The following SFMBT2 variants were observed in gnomAD, a reference collection of about 807,000 sequenced individuals.
SFMBT2 encodes scm-like with four MBT domains protein 2.
Under a neutral mutation model 110.1 loss-of-function variants are expected in SFMBT2, and 38 were observed. That is an observed-to-expected ratio of 0.35 (90% CI 0.27 to 0.45). The LOEUF (loss-of-function observed/expected upper bound fraction) is 0.45, where lower values mean the gene tolerates loss of function less well. Ranked by LOEUF, SFMBT2 falls within the 20% of genes least tolerant of loss-of-function variation. SFMBT2 has a pLI of 1.00. For missense variants in SFMBT2, 1,011 were observed against 1,094.9 expected (o/e 0.92, Z 1.08); for synonymous variants, 425 against 425.4 (o/e 1.00, Z 0.01).
intron 6 of SFMBT2, among the ~76,000 whole-genome samples, chr10:7,281,054 A>C (rs961298615): frequency 2.6e-4 from 39 of 152,170 alleles, no homozygotes; most frequent in Non-Finnish European, 5.1e-4. Flanking sequence ...CAGCCTGAGC[A>C]ACATAGTGAG....
chr10:7,285,877 G>T lies in SFMBT2; in HGVS notation c.514C>A (p.Leu172Ile). ...ACAACAATACATACACCTTCCAGGA[G>T]GTTGGCGGGTGCTGTCCTCGAACCA... Reference protein sequence around the residue: ...LTGSRTAPANLLEGPLRGKGP... With the variant: ...LTGSRTAPANILEGPLRGKGP... The change falls in exon 5 of 21, where the codon CTC (leucine) becomes ATC (isoleucine). Residue 172 changes from leucine to isoleucine, a missense_variant. By Grantham distance (5) the Leu-to-Ile change is conservative. Around this residue, in one of 2 missense-constraint regions of SFMBT2, gnomAD observed 979 missense variants for 1,016.1 expected, o/e 0.96. Coordinates refer to ENST00000397167, the MANE Select transcript of SFMBT2 (RefSeq NM_001387889.1). 1 of 872,674 alleles carries T rather than the reference G, an allele frequency of 1.1e-6. No individual in the cohort carries two copies. Among genetic ancestry groups the T allele is most frequent in the Non-Finnish European group, 2.0e-6 (1 of 501,610 alleles). 54.1% of individuals were successfully genotyped at this position (872,674 alleles called of 1,614,324 possible).
At chr10:7,233,720 T>C (rs1007227209) in intron 9 of SFMBT2, among the ~76,000 whole-genome samples, 1 of 152,200 alleles carries the variant, frequency 6.6e-6, no homozygotes, top group African/African-American at 2.4e-5. Flanking sequence ...GCCTTACTCT[T>C]CCAATTGACA....
chr10:7,329,346 A>G (rs1224190051), intron 4 of SFMBT2, among the ~76,000 whole-genome samples: 1 of 152,200 alleles, frequency 6.6e-6, no homozygotes, highest in Non-Finnish European at 1.5e-5. Context: ...TCCTGCACGG[A>G]GGTTCTCACG....
At chr10:7,398,657 G>A (rs1379804730) in intron 1 of SFMBT2, among the ~76,000 whole-genome samples, 1 of 152,090 alleles carries the variant, frequency 6.6e-6, no homozygotes, top group African/African-American at 2.4e-5. Flanking sequence ...TTTAGAATTA[G>A]CAGAGATGTA....
intron 10 of SFMBT2, among the ~76,000 whole-genome samples, chr10:7,220,901 A>G (rs981422140): frequency 6.7e-6 from 1 of 148,972 alleles, no homozygotes; most frequent in African/African-American, 2.5e-5. Flanking sequence ...ATCTCGGCTC[A>G]CTGCCAGTTC....
intron 15 of SFMBT2, among the ~76,000 whole-genome samples, chr10:7,191,573 G>C (rs1323322319): frequency 1.3e-5 from 2 of 152,198 alleles, no homozygotes; most frequent in African/African-American, 4.8e-5. Context: ...TATCAGAAAG[G>C]TCTCTGCGAG....
intron 4 of SFMBT2, among the ~76,000 whole-genome samples, chr10:7,321,009 T>C (rs575740427): frequency 2.0e-5 from 3 of 152,346 alleles, no homozygotes; most frequent in African/African-American, 7.2e-5. Context: ...TTGAGTTCCC[T>C]CAGGACCCAG....
intron 16 of SFMBT2, among the ~76,000 whole-genome samples, chr10:7,184,447 G>A (rs1350658246): frequency 1.3e-5 from 2 of 152,086 alleles, no homozygotes; most frequent in Non-Finnish European, 2.9e-5. Flanking sequence ...TGATTATGAG[G>A]CCTCCCCAGC....
At chr10:7,185,546 G>A (rs572996791) in intron 16 of SFMBT2, among the ~76,000 whole-genome samples, 26 of 152,302 alleles carry the variant, frequency 1.7e-4, no homozygotes, top group African/African-American at 5.8e-4. Context: ...TGAGCATGAC[G>A]CACCTAACAG....
At chr10:7,290,769 C>T (rs1038002450) in intron 4 of SFMBT2, among the ~76,000 whole-genome samples, 2 of 151,828 alleles carry the variant, frequency 1.3e-5, no homozygotes, top group Non-Finnish European at 2.9e-5. Flanking sequence ...CCCAGGAGTT[C>T]GAAGCTGCAG....
chr10:7,250,457 AT>A (rs1840768952), intron 7 of SFMBT2, among the ~76,000 whole-genome samples: 1 of 152,194 alleles, frequency 6.6e-6, no homozygotes, highest in African/African-American at 2.4e-5. Context: ...CATGGTATAT[AT>A]GTACCACATT....
At chr10:7,364,660 TA>T (rs1466259821) in intron 4 of SFMBT2, among the ~76,000 whole-genome samples, 1 of 152,206 alleles carries the variant, frequency 6.6e-6, no homozygotes, top group Non-Finnish European at 1.5e-5. Flanking sequence ...ATTCAAGTGT[TA>T]AACTTGAAGA....
intron 15 of SFMBT2, among the ~76,000 whole-genome samples, chr10:7,193,462 CCCA>C (rs1426932393): frequency 1.3e-5 from 2 of 152,226 alleles, no homozygotes; most frequent in African/African-American, 4.8e-5. Context: ...ACAATGTCCC[CCCA>C]CCATGATGTG....
At chr10:7,284,435 A>C in intron 5 of SFMBT2, 1 of 1,141,310 alleles carries the variant, frequency 8.8e-7, no homozygotes, top group East Asian at 4.8e-5. Context: ...CACCCTTCCC[A>C]GATAAAATTG....
intron 1 of SFMBT2, among the ~76,000 whole-genome samples, chr10:7,400,163 C>T (rs1037885539): frequency 6.6e-6 from 1 of 152,144 alleles, no homozygotes; most frequent in South Asian, 2.1e-4. Flanking sequence ...GCCCTGAGTG[C>T]CCAGCTGGCT....
chr10:7,220,337 C>CT, intron 11 of SFMBT2, 74 bp downstream of exon 11: 1 of 1,300,324 alleles, frequency 7.7e-7, no homozygotes. Flanking sequence ...AGAAGGGCTG[C>CT]TTTCCTCCAC....
intron 9 of SFMBT2, chr10:7,228,556 G>A (rs1453642799): frequency 6.2e-6 from 1 of 162,294 alleles, no homozygotes; most frequent in East Asian, 1.9e-4. Context: ...AGAATTGCAG[G>A]AGGCAGGTCT....
At chr10:7,239,368 A>T (rs1338008531) in intron 9 of SFMBT2, among the ~76,000 whole-genome samples, 1 of 152,210 alleles carries the variant, frequency 6.6e-6, no homozygotes, top group Non-Finnish European at 1.5e-5. Flanking sequence ...TAGACACAAT[A>T]ACCTTTTACT....
At chr10:7,317,535 G>C (rs1452068848) in intron 4 of SFMBT2, among the ~76,000 whole-genome samples, 2 of 151,444 alleles carry the variant, frequency 1.3e-5, no homozygotes, top group African/African-American at 2.4e-5. Flanking sequence ...CAGCTACTCA[G>C]GAGGCTGAGG....
Sources: gnomAD v4.1 joint callset for allele counts (sites outside exome capture counted in the v4.1 genomes callset) on GRCh38, gnomAD v4.1.1 for gene constraint, gnomAD v4.1.1 regional missense constraint, MANE v1.5 for transcripts, NCBI Gene and HGNC (gene_info 2026-07-23, HGNC 2026-07-21) for gene names.